Variants in PTPRB observed in about 807,000 individuals in gnomAD.
The protein encoded by PTPRB is protein tyrosine phosphatase receptor type B.
A neutral mutation model predicts 238.1 loss-of-function variants in PTPRB; 97 were observed. The ratio of observed to expected loss-of-function variants is 0.41; its 90% CI spans 0.35 to 0.48. The LOEUF is 0.48. Among genes scored for constraint, PTPRB ranks in the 20% least tolerant of loss-of-function variants. The probability of loss-of-function intolerance (pLI) is 0.30; values close to 1 mark genes in which losing one functional copy is unlikely to be tolerated. For missense variants in PTPRB, 2,292 were observed against 2,681.9 expected, an observed-to-expected ratio of 0.85 and a Z score of 3.21; for synonymous variants, 970 against 995.4, an observed-to-expected ratio of 0.97 and a Z score of 0.48.
rs906142386 is a variant in PTPRB, at chr12:70,534,622, G to C, written c.6234C>G (p.Ile2078Met). 1 of 1,612,722 alleles carries C rather than the reference G, an allele frequency of 6.2e-7. No individual in the cohort carries two copies. The change falls in exon 31 of 34, where the codon ATC (isoleucine) becomes ATG (methionine). Residue 2078 changes from isoleucine to methionine, a missense_variant. By Grantham distance (10) the Ile-to-Met change is conservative. This residue lies in a region of PTPRB where 397 missense variants were observed against 502.0 expected (regional missense o/e 0.79). Transcript: ENST00000334414. ...GEEQLDAHRLIRHFHYTVWPD... is the reference protein window; with the variant it reads ...GEEQLDAHRLMRHFHYTVWPD... ...GCCACACCGTATAGTGAAAGTGGCG[G>C]ATGAGTCTGTGTGCATCAAGCTGTT...
At chr12:70,612,906 A>G (rs1884521756) in intron 3 of PTPRB, among the ~76,000 whole-genome samples, 1 of 152,080 alleles carries the variant, frequency 6.6e-6, no homozygotes, top group South Asian at 2.1e-4. Context: ...AGGATTGCTT[A>G]ACCCCAGGAC....
intron 32 of PTPRB, among the ~76,000 whole-genome samples, chr12:70,531,207 CTT>C (rs1873185228): frequency 6.6e-6 from 1 of 152,082 alleles, no homozygotes; most frequent in Non-Finnish European, 1.5e-5. Flanking sequence ...AGGAAGCTCT[CTT>C]TTTATGGAGC....
At chr12:70,526,648 T>C (rs1438585095) in intron 32 of PTPRB, among the ~76,000 whole-genome samples, 1 of 152,264 alleles carries the variant, frequency 6.6e-6, no homozygotes, top group Non-Finnish European at 1.5e-5. Context: ...CTGAGAAAGG[T>C]ACAATCTGAG....
Position 70,634,452 on chromosome 12 carries a change from T to A in PTPRB, c.451+1219A>T, listed in dbSNP as rs543559942. On this transcript the variant is annotated intron_variant, in intron 2 of 33. Transcript: ENST00000334414. ...AATCCTGGGAATGTGTATTTTTTTT[T>A]AAATTTTTATTTTTAGTTTTGGGGT... Among the ~76,000 whole-genome samples the A allele has an allele frequency of 8.4e-4, 128 of 152,296 alleles. 2 individuals are homozygous for A. In the East Asian group the frequency reaches 9.6e-3, roughly 11 times the overall value.
At position 70,590,023 on chromosome 12, in the gene PTPRB, A is replaced by G; in HGVS notation, c.1991T>C (p.Val664Ala). ...ATTTCCACTCTCAACAATGACTTCC[A>G]CCTCATACTGTCTTCCCGGTACGAG... The part of the protein sequence containing the change: ...TGLVPGRQYE[V>A]EVIVESGNLK... The change falls in exon 8 of 34, where the codon GTG becomes GCG. Residue 664 changes from valine (V) to alanine (A), a missense_variant. Around this residue, in one of 4 missense-constraint regions of PTPRB, gnomAD observed 1,205 missense variants for 1,287.8 expected, o/e 0.94. Coordinates refer to ENST00000334414, the MANE Select transcript of PTPRB (RefSeq NM_001109754.4). 6.2e-7 allele frequency: 1 copy of G among 1,613,800 alleles called. No individual in the cohort carries two copies. Among genetic ancestry groups the G allele is most frequent in the Non-Finnish European group, 8.5e-7 (1 of 1,179,822 alleles).
intron 33 of PTPRB, among the ~76,000 whole-genome samples, chr12:70,523,681 C>G (rs1397855039): frequency 6.6e-6 from 1 of 152,178 alleles, no homozygotes; most frequent in Non-Finnish European, 1.5e-5. Context: ...CCTACCCTCC[C>G]TCTCTTCCCC....
chr12:70,579,437 A>G (rs929941446), intron 10 of PTPRB, among the ~76,000 whole-genome samples: 2 of 152,110 alleles, frequency 1.3e-5, no homozygotes, highest in Admixed American at 1.3e-4. Context: ...AGTGGCTCAC[A>G]CCTGTGATCC....
At chr12:70,599,269 C>T (rs975224200) in intron 4 of PTPRB, among the ~76,000 whole-genome samples, 1 of 151,882 alleles carries the variant, frequency 6.6e-6, no homozygotes, top group East Asian at 1.9e-4. Context: ...ATTTTTAATG[C>T]TACTTGAAAA....
intron 29 of PTPRB, among the ~76,000 whole-genome samples, 176 bp from the exon 30 acceptor site, chr12:70,535,131 G>T (rs528751849): frequency 6.6e-6 from 1 of 151,826 alleles, no homozygotes; most frequent in South Asian, 2.1e-4. Context: ...CTGAGGTGCT[G>T]CTCCAAGTGA....
chr12:70,575,606 G>T (rs982609199), intron 11 of PTPRB, among the ~76,000 whole-genome samples: 6 of 152,146 alleles, frequency 3.9e-5, no homozygotes, highest in Non-Finnish European at 1.5e-5. Context: ...AAGGACAATT[G>T]TCTCAGAACC....
chr12:70,563,869 C>T (rs1349633429), intron 15 of PTPRB, among the ~76,000 whole-genome samples: 1 of 152,172 alleles, frequency 6.6e-6, no homozygotes, highest in Non-Finnish European at 1.5e-5. Flanking sequence ...CCCCAAGTGC[C>T]ACTTAAGCTA....
chr12:70,564,881 AT>A (rs1879074788), intron 15 of PTPRB, among the ~76,000 whole-genome samples: 1 of 38,956 alleles, frequency 2.6e-5, no homozygotes, highest in South Asian at 9.8e-4. Flanking sequence ...AATAATAATA[AT>A]AATAATAAAT....
Position 70,603,615 on chromosome 12 carries a change from T to C in PTPRB, c.979+5454A>G, listed in dbSNP as rs535254176. On this transcript the variant is annotated intron_variant, in intron 4 of 33. Transcript: ENST00000334414. ...TTCGTAAACATTGTCAGTTAATTCT[T>C]ATGAAGACCAATCTCATCTCCAACC... Among the ~76,000 whole-genome samples the C allele has an allele frequency of 1.1e-4, 16 of 152,330 alleles. No individual in the cohort carries two copies. In the South Asian group the frequency reaches 2.7e-3, roughly 26 times the overall value.
chr12:70,563,132 A>T (rs1878734033), intron 15 of PTPRB, 25 bp from the exon 16 acceptor site: 7 of 1,594,586 alleles, frequency 4.4e-6, no homozygotes, highest in Non-Finnish European at 6.0e-6. Context: ...GAGCAAGAGA[A>T]TGAGGGAGGG....
intron 3 of PTPRB, among the ~76,000 whole-genome samples, chr12:70,616,892 T>G (rs745983548): frequency 1.3e-5 from 2 of 152,198 alleles, no homozygotes; most frequent in Non-Finnish European, 2.9e-5. Context: ...GTGGATTGAC[T>G]CCAGGACCCT....
Position 70,532,134 on chromosome 12 carries a change from C to T in PTPRB, c.6405G>A (p.Leu2135=), listed in dbSNP as rs1592399492. ...GVGRTGTFIA[L]DRILQQLDSK... is the part of the protein sequence containing the mutation. ...AGTCTAACTGCTGGAGGATTCGGTCCAATGCAATAAAGGTTCCAGTCCTAC... is the reference window on the plus strand; with the variant it reads ...AGTCTAACTGCTGGAGGATTCGGTCTAATGCAATAAAGGTTCCAGTCCTAC... Residue 2135 remains leucine, a synonymous_variant, in exon 32 of 34, where the codon TTG becomes TTA. Transcript: ENST00000334414. The T allele has an allele frequency of 2.5e-6, 4 of 1,613,634 alleles. No homozygotes were observed. The highest frequency in any genetic ancestry group is 3.4e-6 in the Non-Finnish European group (4 of 1,179,764).
intron 10 of PTPRB, among the ~76,000 whole-genome samples, chr12:70,577,016 C>G (rs948447654): frequency 3.9e-5 from 6 of 152,094 alleles, no homozygotes. Context: ...TTTCAACAAT[C>G]TAAATGAATC....
intron 15 of PTPRB, 76 bp from the exon 16 acceptor site, chr12:70,563,183 A>G: frequency 7.3e-7 from 1 of 1,369,486 alleles, no homozygotes; most frequent in Non-Finnish European, 1.0e-6. Flanking sequence ...GAAGAGGGAA[A>G]AGCAAACAGA....
Position 70,520,427 on chromosome 12 carries a change from T to C in PTPRB, c.*1062A>G. 1.7e-5 allele frequency: 4 copies of C among 232,750 alleles called. No individual in the cohort carries two copies. In the South Asian group the frequency reaches 1.8e-4, roughly 11 times the overall value. 14.4% of individuals were successfully genotyped at this position (232,750 alleles called of 1,614,324 possible). A position where few individuals can be genotyped will look rare whatever the true frequency, so the allele number is the denominator to read the frequency against. Reference sequence around the variant, plus strand: ...AAGACCACTGTTTTTGTTTTTGCTATTGTTTTTAAATTTACTATATATGAT... The same window carrying C: ...AAGACCACTGTTTTTGTTTTTGCTACTGTTTTTAAATTTACTATATATGAT... On this transcript the variant is annotated 3_prime_UTR_variant, in exon 34 of 34. Coordinates refer to ENST00000334414, the MANE Select transcript of PTPRB (RefSeq NM_001109754.4).
Sources: allele counts gnomAD v4.1 joint callset (sites outside exome capture counted in the v4.1 genomes callset), GRCh38; gene constraint gnomAD v4.1.1; regional missense constraint gnomAD v4.1.1; transcripts MANE v1.5; gene names NCBI Gene and HGNC (gene_info 2026-07-23, HGNC 2026-07-21).